The following RND3 variants were observed in gnomAD, a reference collection of about 807,000 sequenced individuals.
RND3 encodes rho-related GTP-binding protein RhoE.
RND3 carries 8 observed loss-of-function variants against 26.5 expected under a neutral mutation model. That is an observed-to-expected ratio of 0.30 (90% CI 0.18 to 0.54). RND3 has a LOEUF of 0.54. RND3 is among the 20% of genes least tolerant of loss of function. The probability of loss-of-function intolerance (pLI) is 0.94; values close to 1 mark genes in which losing one functional copy is unlikely to be tolerated. For synonymous variants in RND3, 113 were observed against 113.0 expected (o/e 1.00, Z 0.00); for missense variants, 207 against 302.8 (o/e 0.68, Z 2.35).
At chr2:150,480,639 AC>A (rs1377280564) in intron 3 of RND3, among the ~76,000 whole-genome samples, 2 of 145,770 alleles carry the variant, frequency 1.4e-5, no homozygotes, top group African/African-American at 4.9e-5. Context: ...TGGAAAAAAA[AC>A]AGCACTAAAT....
At chr2:150,483,204 C>T (rs1179022278) in intron 3 of RND3, among the ~76,000 whole-genome samples, 1 of 152,166 alleles carries the variant, frequency 6.6e-6, no homozygotes, top group South Asian at 2.1e-4. Context: ...ATGATCATGA[C>T]TGCTGGGGGC....
chr2:150,468,656 A>G lies in RND3; in HGVS notation c.*1331T>C, dbSNP rs557482630. ...AACAAGCGCCAACAATAAACAGGTC[A>G]GATCTGGTTTCTTCTCTGAAAGAAT... On this transcript the variant is annotated 3_prime_UTR_variant, in exon 6 of 6. Coordinates refer to ENST00000263895, the MANE Select transcript of RND3 (RefSeq NM_005168.5). 1 of 152,794 alleles carries G rather than the reference A, an allele frequency of 6.5e-6. No individual in the cohort carries two copies. Among genetic ancestry groups the G allele is most frequent in the South Asian group, 2.1e-4 (1 of 4,826 alleles). 9.5% of individuals were successfully genotyped at this position (152,794 alleles called of 1,614,324 possible).
chr2:150,478,200 A>G (rs1686198821), intron 3 of RND3, among the ~76,000 whole-genome samples: 5 of 152,032 alleles, frequency 3.3e-5, no homozygotes, highest in Admixed American at 3.3e-4. Context: ...ATAAAAAAAA[A>G]AACAAAGCAA....
intron 3 of RND3, among the ~76,000 whole-genome samples, chr2:150,475,914 A>G (rs1275697043): frequency 6.6e-6 from 1 of 152,204 alleles, no homozygotes; most frequent in Non-Finnish European, 1.5e-5. Context: ...TCTCTAGTCA[A>G]TCAAGGAAGT....
At chr2:150,482,645 G>T (rs1460130574) in intron 3 of RND3, among the ~76,000 whole-genome samples, 1 of 150,306 alleles carries the variant, frequency 6.7e-6, no homozygotes, top group Non-Finnish European at 1.5e-5. Flanking sequence ...TTTGTTGGGG[G>T]GGCTGGAGTA....
intron 5 of RND3, 126 bp from the exon 6 acceptor site, chr2:150,470,364 C>G: frequency 1.0e-6 from 1 of 1,002,798 alleles, no homozygotes; most frequent in South Asian, 1.7e-5. Flanking sequence ...CTGAATTTTC[C>G]AAGTGTCATT....
At chr2:150,474,192 T>C (rs1686129175) in intron 4 of RND3, among the ~76,000 whole-genome samples, 1 of 152,128 alleles carries the variant, frequency 6.6e-6, no homozygotes, top group Admixed American at 6.5e-5. Flanking sequence ...CTGTAATAGG[T>C]CCTCTTCCTC....
rs1686358562 is a variant in RND3 at position 150,486,241 on chromosome 2, A to AT, written c.238+452dup. On this transcript the variant is annotated intron_variant, in intron 3 of 5. Transcript: ENST00000263895. The surrounding 1 kb of genome is among the most constrained non-coding windows in gnomAD (Gnocchi z 4.5). ...TGCACGTAACCGCGTCGCCTCTGGGATTTTCTCCCGCCTCCCATCACCCCC... is the reference window on the plus strand; with the variant it reads ...TGCACGTAACCGCGTCGCCTCTGGGATTTTTCTCCCGCCTCCCATCACCCCC... 6.6e-6 allele frequency among the ~76,000 whole-genome samples: 1 copy of AT among 151,104 alleles called. No homozygotes were observed. Among genetic ancestry groups the AT allele is most frequent in the Non-Finnish European group, 1.5e-5 (1 of 67,782 alleles).
At chr2:150,484,660 G>A (rs1686328472) in intron 3 of RND3, among the ~76,000 whole-genome samples, 1 of 152,162 alleles carries the variant, frequency 6.6e-6, no homozygotes, top group Non-Finnish European at 1.5e-5. Flanking sequence ...AAAAAGACCT[G>A]CCTGTCCAGC....
At chr2:150,475,827 C>T (rs967735936) in intron 3 of RND3, among the ~76,000 whole-genome samples, 1 of 152,162 alleles carries the variant, frequency 6.6e-6, no homozygotes, top group African/African-American at 2.4e-5. Flanking sequence ...GAGGCATGAT[C>T]TAAGGATCTT....
chr2:150,483,047 G>C (rs1478998641), intron 3 of RND3, among the ~76,000 whole-genome samples: 1 of 152,154 alleles, frequency 6.6e-6, no homozygotes, highest in Non-Finnish European at 1.5e-5. Context: ...GAGATGGATG[G>C]AGAAAGGGAG....
rs71422244 is a variant in RND3 at position 150,487,464 on chromosome 2, G to GAAAAAA, written c.-38-15_-38-10dup. The GAAAAAA allele has an allele frequency of 6.6e-5, 19 of 288,328 alleles. 1 individual carries two copies. The highest frequency in any genetic ancestry group is 8.4e-5 in the Non-Finnish European group (15 of 179,324). The allele number at this position is 288,328 out of a possible 1,614,324, so 17.9% of individuals were successfully genotyped here. On this transcript the variant is annotated splice_polypyrimidine_tract_variant and intron_variant, in intron 1 of 5. Transcript: ENST00000263895. ...TGGAACAGGAATTTTCTCTTAAGAAGAAAAAAAAAAATATATATATATATA... is the reference window on the plus strand; with the variant it reads ...TGGAACAGGAATTTTCTCTTAAGAAGAAAAAAAAAAAAAAAAATATATATATATATA...
chr2:150,487,305 G>A lies in RND3; in HGVS notation c.113C>T (p.Ala38Val). 6.2e-7 allele frequency: 1 copy of A among 1,602,582 alleles called. No individual in the cohort carries two copies. ...GTCCTTGGCGAAGACATGGAGCAGC[G>A]CAGTTTTTCCACACTGACTGTCTCC... ...VVGDSQCGKT[A>V]LLHVFAKDCF... is the part of the protein sequence containing the mutation. Residue 38 changes from alanine (A) to valine (V), a missense_variant, in exon 2 of 6, where the codon GCG becomes GTG. Ala to Val is a moderately conservative substitution (Grantham distance 64, BLOSUM62 0). Coordinates refer to ENST00000263895, the MANE Select transcript of RND3 (RefSeq NM_005168.5).
chr2:150,470,252 G>T lies in RND3; in HGVS notation c.484-14C>A. On this transcript the variant is annotated splice_polypyrimidine_tract_variant and intron_variant, in intron 5 of 5. Transcript: ENST00000263895. ...CATATTTGCCCCCTGAGAAGCAAAA[G>T]AAGGGATTTTAACCAGCAATAAGAC... The T allele has an allele frequency of 6.2e-7, 1 of 1,609,626 alleles. No homozygotes were observed. The highest frequency in any genetic ancestry group is 8.5e-7 in the Non-Finnish European group (1 of 1,177,334).
At chr2:150,481,546 G>A (rs570036957) in intron 3 of RND3, among the ~76,000 whole-genome samples, 3 of 152,208 alleles carry the variant, frequency 2.0e-5, no homozygotes, top group Non-Finnish European at 2.9e-5. Context: ...CACCATGTCT[G>A]TCTTATCACA....
At chr2:150,470,499 T>C (rs1226929925) in intron 5 of RND3, among the ~76,000 whole-genome samples, 1 of 152,184 alleles carries the variant, frequency 6.6e-6, no homozygotes. Context: ...GAGCTCTGAA[T>C]AAATGCTAAA....
Position 150,487,474 on chromosome 2 carries a change from A to AAATATATATATATATATATAT in RND3, c.-38-20_-38-19insATATATATATATATATATATT. 72 of 200,766 alleles carry AAATATATATATATATATATAT rather than the reference A, an allele frequency of 3.6e-4. No homozygotes were observed. The highest frequency in any genetic ancestry group is 4.3e-4 in the Admixed American group (6 of 13,822). 12.4% of individuals were successfully genotyped at this position (200,766 alleles called of 1,614,324 possible). ...ATTTTCTCTTAAGAAGAAAAAAAAA[A>AAATATATATATATATATATAT]ATATATATATATATATATATTTCTC... is the stretch of plus-strand genomic sequence containing the variant. On this transcript the variant is annotated intron_variant, in intron 1 of 5. Transcript: ENST00000263895.
chr2:150,481,890 C>G (rs994924008), intron 3 of RND3, among the ~76,000 whole-genome samples: 4 of 152,056 alleles, frequency 2.6e-5, no homozygotes, highest in African/African-American at 9.7e-5. Flanking sequence ...ACTTGATGTA[C>G]AATAATCTAA....
rs754235712 is a variant in RND3, at chr2:150,469,942, T to G, written c.*45A>C. ...ACTTCACCTTTTTGTTTGCTGTTGT[T>G]TTTTACACTAGATTCCTTTGTCTTC... On this transcript the variant is annotated 3_prime_UTR_variant, in exon 6 of 6. Coordinates refer to ENST00000263895, the MANE Select transcript of RND3 (RefSeq NM_005168.5). 6 of 1,603,066 alleles carry G rather than the reference T, an allele frequency of 3.7e-6. No individual in the cohort carries two copies. The highest frequency in any genetic ancestry group is 5.1e-6 in the Non-Finnish European group (6 of 1,173,054).
Sources: allele counts gnomAD v4.1 joint callset (sites outside exome capture counted in the v4.1 genomes callset), GRCh38; gene constraint gnomAD v4.1.1; non-coding constraint Gnocchi (gnomAD v3.1); transcripts MANE v1.5; gene names NCBI Gene and HGNC (gene_info 2026-07-23, HGNC 2026-07-21).